DNAH11: variants seen among roughly 807,000 people sequenced by gnomAD.
The protein encoded by DNAH11 is dynein axonemal heavy chain 11.
DNAH11 carries 442 observed loss-of-function variants against 526.0 expected under a neutral mutation model. The ratio of observed to expected loss-of-function variants is 0.84; its 90% CI spans 0.78 to 0.91. The LOEUF is 0.91. DNAH11 is among the 40% of genes least tolerant of loss of function. The pLI is 0.00. For missense variants in DNAH11, 6,989 were observed against 5,448.7 expected (o/e 1.28, Z -8.90); for synonymous variants, 2,461 against 1,935.9 (o/e 1.27, Z -7.12).
intron 8 of DNAH11, among the ~76,000 whole-genome samples, chr7:21,581,315 G>T (rs1450187950): frequency 6.6e-6 from 1 of 152,160 alleles, no homozygotes; most frequent in Non-Finnish European, 1.5e-5. Flanking sequence ...TGTATCAGGA[G>T]GAAACTGAGG....
intron 62 of DNAH11, among the ~76,000 whole-genome samples, chr7:21,801,743 G>A (rs1358887814): frequency 6.6e-6 from 1 of 152,152 alleles, no homozygotes; most frequent in Non-Finnish European, 1.5e-5. Context: ...TTTGTTGTCT[G>A]ATCCTTTTAA....
Position 21,739,597 on chromosome 7 carries a change from A to G in DNAH11, c.7838A>G (p.Lys2613Arg). 6.2e-7 allele frequency: 1 copy of G among 1,612,704 alleles called. No homozygotes were observed. The highest frequency in any genetic ancestry group is 8.5e-7 in the Non-Finnish European group (1 of 1,179,426). The part of the protein sequence containing the change: ...HWYDRQKVML[K>R]EIHNCQYVAC... ...TATGATAGACAGAAGGTGATGCTTA[A>G]AGAAATCCATAACTGCCAGTATGTC... The change falls in exon 48 of 82, where the codon AAA (lysine) becomes AGA (arginine). Residue 2613 changes from lysine (K) to arginine (R), a missense_variant. Coordinates refer to ENST00000409508, the MANE Select transcript of DNAH11 (RefSeq NM_001277115.2).
chr7:21,543,821 G>C, intron 1 of DNAH11: 1 of 571,042 alleles, frequency 1.8e-6, no homozygotes, highest in Non-Finnish European at 3.1e-6. Context: ...GTATCTGACC[G>C]AGAATCCCGC....
At position 21,868,027 on chromosome 7, in the gene DNAH11, G is replaced by A. The variant is rs1248048550; in HGVS notation, c.11839+20G>A. 1.3e-5 allele frequency: 19 copies of A among 1,492,856 alleles called. No individual in the cohort carries two copies. The highest frequency in any genetic ancestry group is 1.9e-4 in the Middle Eastern group (1 of 5,236). 92.5% of individuals were successfully genotyped at this position (1,492,856 alleles called of 1,614,324 possible). On this transcript the variant is annotated intron_variant, in intron 72 of 81. Coordinates refer to ENST00000409508, the MANE Select transcript of DNAH11 (RefSeq NM_001277115.2). The stretch of plus-strand genomic sequence containing the variant: ...TTCTTGGTGAGTGGCTGGGAGGCTC[G>A]CTGGCCCGCCCCTTCTCCCTCCCTC...
chr7:21,657,632 G>T (rs760286152), intron 29 of DNAH11, among the ~76,000 whole-genome samples: 2 of 152,160 alleles, frequency 1.3e-5, no homozygotes, highest in Non-Finnish European at 2.9e-5. Flanking sequence ...ATTAATGAGG[G>T]AACTTGTTGC....
Position 21,867,829 on chromosome 7 carries a change from A to T in DNAH11, c.11691-30A>T, listed in dbSNP as rs1437089398. 3.3e-6 allele frequency: 5 copies of T among 1,492,824 alleles called. No individual in the cohort carries two copies. In the East Asian group the frequency reaches 1.2e-4, roughly 37 times the overall value. 92.5% of individuals were successfully genotyped at this position (1,492,824 alleles called of 1,614,324 possible). ...ACTCTTTTCAAGGTCAAAACCACTG[A>T]TCATGTTTTTATATTCTTGTTTTTT... On this transcript the variant is annotated intron_variant, in intron 71 of 81. Transcript: ENST00000409508.
intron 57 of DNAH11, among the ~76,000 whole-genome samples, chr7:21,780,260 A>G (rs1221318043): frequency 6.6e-6 from 1 of 152,136 alleles, no homozygotes; most frequent in Non-Finnish European, 1.5e-5. Flanking sequence ...CCTTAAAAGT[A>G]TATTATTGGG....
At chr7:21,860,104 T>G (rs1583782722) in intron 68 of DNAH11, among the ~76,000 whole-genome samples, 1 of 151,876 alleles carries the variant, frequency 6.6e-6, no homozygotes, top group Non-Finnish European at 1.5e-5. Context: ...GACCGGGAGG[T>G]TGAGGCTGCA....
At chr7:21,872,079 G>A (rs1296430127) in intron 73 of DNAH11, among the ~76,000 whole-genome samples, 15 of 121,868 alleles carry the variant, frequency 1.2e-4, no homozygotes, top group Admixed American at 6.5e-4. Context: ...AGCCAAGATC[G>A]CACCACTGCA....
intron 25 of DNAH11, among the ~76,000 whole-genome samples, chr7:21,621,156 G>C (rs1424339624): frequency 2.0e-5 from 3 of 152,146 alleles, no homozygotes; most frequent in Non-Finnish European, 2.9e-5. Flanking sequence ...TTCCACAAGA[G>C]TTGAATACAA....
At position 21,543,171 on chromosome 7, in the gene DNAH11, C is replaced by T; in HGVS notation, c.-75C>T. On this transcript the variant is annotated 5_prime_UTR_variant, in exon 1 of 82. Coordinates refer to ENST00000409508, the MANE Select transcript of DNAH11 (RefSeq NM_001277115.2). ...GGAGGGTGGGCGCCTGCGGAGGTGT[C>T]CTCGCTCACTTCGGGGGGCCCAGAG... 1.4e-6 allele frequency: 2 copies of T among 1,445,786 alleles called. No individual in the cohort carries two copies. The allele number at this position is 1,445,786 out of a possible 1,614,324, so 89.6% of individuals were successfully genotyped here.
chr7:21,638,347 G>A (rs186105265), intron 27 of DNAH11, among the ~76,000 whole-genome samples: 2 of 152,158 alleles, frequency 1.3e-5, no homozygotes, highest in Non-Finnish European at 2.9e-5. Flanking sequence ...TTTTGGTAAC[G>A]AAAAGGGCGA....
At chr7:21,683,075 C>T (rs1002997724) in intron 31 of DNAH11, among the ~76,000 whole-genome samples, 1 of 152,052 alleles carries the variant, frequency 6.6e-6, no homozygotes, top group Non-Finnish European at 1.5e-5. Context: ...AAAATATGTC[C>T]TTTATTTTGT....
chr7:21,554,633 A>T (rs74807802), intron 2 of DNAH11, among the ~76,000 whole-genome samples: 1 of 152,242 alleles, frequency 6.6e-6, no homozygotes. Context: ...CTTGTGATAG[A>T]TATCATTTCA....
intron 12 of DNAH11, among the ~76,000 whole-genome samples, chr7:21,590,141 G>A (rs1784621876): frequency 6.6e-6 from 1 of 151,604 alleles, no homozygotes; most frequent in South Asian, 2.1e-4. Flanking sequence ...TGTAACAATG[G>A]GATTTTTGTT....
chr7:21,826,311 A>C (rs1411193840), intron 65 of DNAH11, among the ~76,000 whole-genome samples: 1 of 152,164 alleles, frequency 6.6e-6, no homozygotes, highest in Admixed American at 6.5e-5. Flanking sequence ...GAGAAACTAA[A>C]AAGTATTCAT....
intron 27 of DNAH11, 93 bp downstream of exon 27, chr7:21,637,795 G>T: frequency 6.0e-6 from 4 of 669,544 alleles, no homozygotes; most frequent in South Asian, 4.7e-5. Context: ...TGTTATGGAG[G>T]TGCAACCTCT....
At chr7:21,642,148 A>G (rs1354841604) in intron 28 of DNAH11, among the ~76,000 whole-genome samples, 3 of 152,210 alleles carry the variant, frequency 2.0e-5, no homozygotes, top group African/African-American at 7.2e-5. Context: ...TTGTATTCCA[A>G]GTTGTGCTCA....
chr7:21,616,925 C>T (rs1376591376), intron 22 of DNAH11, among the ~76,000 whole-genome samples: 3 of 152,054 alleles, frequency 2.0e-5, no homozygotes, highest in African/African-American at 7.2e-5. Context: ...GCTTTTTTTC[C>T]ACCCCAGGGC....
Sources: allele counts gnomAD v4.1 joint callset (sites outside exome capture counted in the v4.1 genomes callset), GRCh38; gene constraint gnomAD v4.1.1; transcripts MANE v1.5; gene names NCBI Gene and HGNC (gene_info 2026-07-23, HGNC 2026-07-21).